Variants in TGFBI observed in about 807,000 individuals in gnomAD.
TGFBI encodes the protein transforming growth factor beta induced.
In TGFBI, 50 loss-of-function variants were observed where a neutral mutation model predicts 73.7. That is an observed-to-expected ratio of 0.68 (90% CI 0.54 to 0.86). TGFBI has a LOEUF of 0.86. Among genes scored for constraint, TGFBI ranks in the 40% least tolerant of loss-of-function variants. TGFBI has a pLI of 0.00. For missense variants in TGFBI, 839 were observed against 877.0 expected (o/e 0.96, Z 0.55); for synonymous variants, 362 against 360.5 (o/e 1.00, Z -0.05).
intron 8 of TGFBI, 83 bp from the exon 9 acceptor site, chr5:136,053,860 A>T (rs937448927): frequency 1.3e-6 from 2 of 1,582,266 alleles, no homozygotes; most frequent in Non-Finnish European, 1.7e-6. Context: ...ATTCCTGCTG[A>T]TGTGTGTCAT....
chr5:136,058,048 T>C (rs1417417096), intron 12 of TGFBI, among the ~76,000 whole-genome samples: 1 of 151,906 alleles, frequency 6.6e-6, no homozygotes, highest in Non-Finnish European at 1.5e-5. Flanking sequence ...ACAGAGAGTG[T>C]TAGAGGTTGG....
chr5:136,052,778 G>C, intron 7 of TGFBI, 129 bp from the exon 8 acceptor site: 5 of 893,718 alleles, frequency 5.6e-6, no homozygotes, highest in Non-Finnish European at 8.4e-6. Flanking sequence ...GGGCCCTGTG[G>C]TGCCCCAGCC....
At chr5:136,049,273 C>T (rs1293459517) in intron 6 of TGFBI, 166 bp from the exon 7 acceptor site, 3 of 889,118 alleles carry the variant, frequency 3.4e-6, no homozygotes, top group Middle Eastern at 3.5e-4. Context: ...AGCAAGGCCC[C>T]CTGGGGGCCA....
In TGFBI at chr5:136,043,093, G is replaced by T. The variant is rs959871229; in HGVS notation, c.234-965G>T. On this transcript the variant is annotated intron_variant, in intron 2 of 16. Transcript: ENST00000442011. ...CATATTCATATAGAAGAAAGGAAAA[G>T]GAAGGACTGGCTGTTTGCATTTGGT... Among the ~76,000 whole-genome samples the T allele has an allele frequency of 3.9e-5, 6 of 152,328 alleles. No homozygotes were observed. The South Asian group carries it at 1.2e-3, about 32-fold the overall frequency.
In TGFBI at chr5:136,029,177, G is replaced by C; in HGVS notation, c.122G>C (p.Gly41Ala). 6.6e-7 allele frequency: 1 copy of C among 1,510,722 alleles called. No individual in the cohort carries two copies. The highest frequency in any genetic ancestry group is 8.8e-7 in the Non-Finnish European group (1 of 1,135,112). 93.6% of individuals were successfully genotyped at this position (1,510,722 alleles called of 1,614,324 possible). ...GTGCTGCAGCACAGCAGGCTCCGGG[G>C]CCGCCAGCACGGGTAAGCCGAGCCG... ...QLVLQHSRLR[G>A]RQHGPNVCAV... Residue 41 changes from glycine to alanine, a missense_variant, in exon 1 of 17, where the codon GGC becomes GCC. By Grantham distance (60) the Gly-to-Ala change is moderately conservative. Coordinates refer to ENST00000442011, the MANE Select transcript of TGFBI (RefSeq NM_000358.3).
chr5:136,051,258 C>A (rs1031017062), intron 7 of TGFBI, among the ~76,000 whole-genome samples: 4 of 151,906 alleles, frequency 2.6e-5, no homozygotes, highest in African/African-American at 9.7e-5. Context: ...GGTAAAACCC[C>A]GTCTCTACTA....
At chr5:136,031,205 G>A (rs1751113964) in intron 1 of TGFBI, among the ~76,000 whole-genome samples, 1 of 152,238 alleles carries the variant, frequency 6.6e-6, no homozygotes. Context: ...AATGGTTGCA[G>A]GCACAGTTGT....
intron 6 of TGFBI, chr5:136,047,621 C>G (rs1751454973): frequency 1.5e-6 from 1 of 658,848 alleles, no homozygotes; most frequent in Non-Finnish European, 2.6e-6. Context: ...TCTCCATCTT[C>G]TTTATAAAGT....
intron 1 of TGFBI, among the ~76,000 whole-genome samples, chr5:136,031,379 T>A (rs1478407704): frequency 1.3e-5 from 2 of 152,236 alleles, no homozygotes; most frequent in Admixed American, 1.3e-4. Context: ...TTTTAAGGAA[T>A]TGTAGCGTGC....
chr5:136,049,740 A>C (rs920628711), intron 7 of TGFBI, 160 bp downstream of exon 7: 2 of 793,816 alleles, frequency 2.5e-6, no homozygotes, highest in African/African-American at 3.5e-5. Context: ...TGCTTCAGCT[A>C]ACCGTGTCTC....
intron 16 of TGFBI, 47 bp downstream of exon 16, chr5:136,062,734 T>C: frequency 1.3e-6 from 2 of 1,552,952 alleles, no homozygotes; most frequent in African/African-American, 2.7e-5. Context: ...GTTTAGGCCT[T>C]ACCCCCAAGC....
chr5:136,031,494 C>T (rs1357409234), intron 1 of TGFBI, among the ~76,000 whole-genome samples: 1 of 152,240 alleles, frequency 6.6e-6, no homozygotes, highest in Admixed American at 6.5e-5. Context: ...ATCTACTGTT[C>T]ATGTTCCCAT....
At chr5:136,058,939 A>G in intron 12 of TGFBI, 151 bp from the exon 13 acceptor site, 3 of 921,484 alleles carry the variant, frequency 3.3e-6, no homozygotes, top group Non-Finnish European at 4.8e-6. Context: ...AACGTTGAGT[A>G]TACAGTGGGA....
chr5:136,051,542 C>T (rs1482695353), intron 7 of TGFBI, among the ~76,000 whole-genome samples: 1 of 152,248 alleles, frequency 6.6e-6, no homozygotes, highest in Admixed American at 6.5e-5. Flanking sequence ...TTCCTACTCA[C>T]TAACCAGCTG....
At chr5:136,029,420 T>G in intron 1 of TGFBI, among the ~76,000 whole-genome samples, 1 of 151,174 alleles carries the variant, frequency 6.6e-6, no homozygotes, top group African/African-American at 2.4e-5. Context: ...TAGAAGGGAG[T>G]GGGGAAGTGG....
At chr5:136,039,584 T>A (rs1165286881) in intron 2 of TGFBI, among the ~76,000 whole-genome samples, 1 of 152,126 alleles carries the variant, frequency 6.6e-6, no homozygotes, top group Admixed American at 6.5e-5. Context: ...GTAAAGGGGA[T>A]CCCCAAGACC....
chr5:136,060,883 T>G lies in TGFBI; in HGVS notation c.1853T>G (p.Ile618Ser). ...VNKEPVAEPD[I>S]MATNGVVHVI... The stretch of plus-strand genomic sequence containing the variant: ...AAGGAGCCTGTTGCCGAGCCTGACA[T>G]CATGGCCACAAATGGCGTGGTCCAT... The change falls in exon 14 of 17, where the codon ATC (isoleucine) becomes AGC (serine). Residue 618 changes from isoleucine to serine, a missense_variant. Transcript: ENST00000442011. 1 of 1,601,856 alleles carries G rather than the reference T, an allele frequency of 6.2e-7. No individual in the cohort carries two copies. Among genetic ancestry groups the G allele is most frequent in the South Asian group, 1.1e-5 (1 of 89,532 alleles).
chr5:136,054,335 A>C (rs1375828976), intron 9 of TGFBI, among the ~76,000 whole-genome samples: 2 of 152,170 alleles, frequency 1.3e-5, no homozygotes, highest in Non-Finnish European at 2.9e-5. Context: ...GTTCCTCAGA[A>C]CTCAAGACTT....
chr5:136,042,772 T>A (rs1180996901), intron 2 of TGFBI, among the ~76,000 whole-genome samples: 1 of 152,178 alleles, frequency 6.6e-6, no homozygotes. Context: ...CACCTGAGCA[T>A]CTTAGCTGAT....
Sources: allele counts gnomAD v4.1 joint callset (sites outside exome capture counted in the v4.1 genomes callset), GRCh38; gene constraint gnomAD v4.1.1; transcripts MANE v1.5; gene names NCBI Gene and HGNC (gene_info 2026-07-23, HGNC 2026-07-21).